CTNNA2: variants seen among roughly 807,000 people sequenced by gnomAD.
The protein encoded by CTNNA2 is catenin alpha 2, also known as catenin alpha-2.
Under a neutral mutation model 101.0 loss-of-function variants are expected in CTNNA2, and 42 were observed. The ratio of observed to expected loss-of-function variants is 0.42; its 90% confidence interval spans 0.32 to 0.54. The LOEUF (loss-of-function observed/expected upper bound fraction) is 0.54. Ranked by LOEUF, CTNNA2 falls within the 20% of genes least tolerant of loss-of-function variation. The probability of loss-of-function intolerance (pLI) is 0.14; values close to 1 mark genes in which losing one functional copy is unlikely to be tolerated. For synonymous variants in CTNNA2, 450 were observed against 456.4 expected (o/e 0.99, Z 0.18); for missense variants, 871 against 1,223.1 (o/e 0.71, Z 4.29).
At chr2:80,206,435 C>G (rs1450174152) in intron 7 of CTNNA2, among the ~76,000 whole-genome samples, 1 of 152,168 alleles carries the variant, frequency 6.6e-6, no homozygotes, top group Non-Finnish European at 1.5e-5. Context: ...AGGGAAGATC[C>G]TTGTATTTGT....
At chr2:79,823,134 G>A (rs1394846700) in intron 3 of CTNNA2, among the ~76,000 whole-genome samples, 3 of 152,134 alleles carry the variant, frequency 2.0e-5, no homozygotes, top group Non-Finnish European at 4.4e-5. Flanking sequence ...TGTCTCTGTT[G>A]CAACTTTTCA....
At chr2:80,256,640 C>A (rs1435752681) in intron 7 of CTNNA2, among the ~76,000 whole-genome samples, 1 of 152,116 alleles carries the variant, frequency 6.6e-6, no homozygotes, top group Non-Finnish European at 1.5e-5. Flanking sequence ...GGTCATCCAG[C>A]CTTCCACTTG....
At chr2:80,637,912 G>C (rs544333740) in intron 18 of CTNNA2, among the ~76,000 whole-genome samples, 1 of 152,266 alleles carries the variant, frequency 6.6e-6, no homozygotes, top group East Asian at 1.9e-4. Context: ...GAGCCATTTT[G>C]CAAGTTATTA....
At chr2:80,028,742 CAG>C (rs1695098352) in intron 7 of CTNNA2, among the ~76,000 whole-genome samples, 1 of 152,126 alleles carries the variant, frequency 6.6e-6, no homozygotes, top group Admixed American at 6.6e-5. Context: ...AGCAGAAAAA[CAG>C]AGTTAGAGAG....
At chr2:79,901,095 C>T (rs1001206974) in intron 6 of CTNNA2, among the ~76,000 whole-genome samples, 3 of 152,156 alleles carry the variant, frequency 2.0e-5, no homozygotes, top group Admixed American at 6.5e-5. Flanking sequence ...AATATACCTA[C>T]ATTTAAACAT....
chr2:80,315,354 C>T lies in CTNNA2; in HGVS notation c.1057-77857C>T, dbSNP rs117660972. On this transcript the variant is annotated intron_variant, in intron 7 of 18. Transcript: ENST00000402739. ...GGCAATATGTGTTGGCTGAGTATAA[C>T]TTCTGTGGGGACCAGGTTGACTGAA... is the stretch of plus-strand genomic sequence containing the variant. Among the ~76,000 whole-genome samples, 69 of 152,326 alleles carry T rather than the reference C, an allele frequency of 4.5e-4. No individual in the cohort carries two copies. In the East Asian group the frequency reaches 0.013, roughly 28 times the overall value.
At chr2:79,337,869 A>G (rs193039918) in intron 3 of CTNNA2, among the ~76,000 whole-genome samples, 1 of 152,190 alleles carries the variant, frequency 6.6e-6, no homozygotes, top group East Asian at 1.9e-4. Flanking sequence ...AAAGAAACAT[A>G]TTTTCTTCGT....
chr2:80,595,716 G>T (rs72920774), intron 15 of CTNNA2, among the ~76,000 whole-genome samples: 2,500 of 152,118 alleles, frequency 0.016, 78 homozygotes, highest in African/African-American at 0.057. Flanking sequence ...ATGTTCTGTT[G>T]GTGTATATGT....
chr2:79,290,511 G>A (rs11126707), intron 2 of CTNNA2, among the ~76,000 whole-genome samples: 77,975 of 151,848 alleles, frequency 0.51, 21,968 homozygotes, highest in East Asian at 0.7. Context: ...CCATGCCCCC[G>A]TCGTGTGCCT....
At chr2:79,792,170 G>C (rs528323544) in intron 3 of CTNNA2, among the ~76,000 whole-genome samples, 1 of 152,228 alleles carries the variant, frequency 6.6e-6, no homozygotes, top group African/African-American at 2.4e-5. Context: ...CTGAGGTCTT[G>C]TGTTAGATAC....
chr2:79,969,192 GAAC>G (rs377229805), intron 7 of CTNNA2, among the ~76,000 whole-genome samples: 3 of 152,018 alleles, frequency 2.0e-5, no homozygotes, highest in South Asian at 4.1e-4. Context: ...AAATTAACAA[GAAC>G]AACAACAACA....
chr2:79,416,257 CTTTTTTTTTTTTT>C (rs66830925), intron 4 of CTNNA2, among the ~76,000 whole-genome samples: 1 of 94,656 alleles, frequency 1.1e-5, no homozygotes, highest in Non-Finnish European at 2.1e-5. Flanking sequence ...CTTTCCTTTT[CTTTTTTTTTTTTT>C]TTTTTTTTTT....
intron 7 of CTNNA2, among the ~76,000 whole-genome samples, chr2:79,922,370 T>G (rs1017909638): frequency 2.6e-5 from 4 of 152,178 alleles, no homozygotes; most frequent in African/African-American, 9.6e-5. Flanking sequence ...GAGGGATCAG[T>G]CCTGTGATCT....
At chr2:79,756,879 C>T (rs1323752576) in intron 3 of CTNNA2, among the ~76,000 whole-genome samples, 4 of 152,138 alleles carry the variant, frequency 2.6e-5, no homozygotes, top group Admixed American at 1.3e-4. Flanking sequence ...ATTTTAATAT[C>T]CTTACTAGAA....
At position 79,808,240 on chromosome 2, in the gene CTNNA2, A is replaced by G. The variant is rs1676730348; in HGVS notation, c.299-49773A>G. ...TTCAGCAGAGTTCAAAATGCAAAAT[A>G]TTGGGGGTTGCATGTATGAAAGAGG... On this transcript the variant is annotated intron_variant, in intron 3 of 18. Coordinates refer to ENST00000402739, the MANE Select transcript of CTNNA2 (RefSeq NM_001282597.3). Among the ~76,000 whole-genome samples, 3 of 152,224 alleles carry G rather than the reference A, an allele frequency of 2.0e-5. No homozygotes were observed. In the South Asian group the frequency reaches 6.2e-4, roughly 32 times the overall value.
chr2:80,442,473 A>T (rs549881120), intron 9 of CTNNA2, among the ~76,000 whole-genome samples: 40 of 152,224 alleles, frequency 2.6e-4, no homozygotes, highest in African/African-American at 9.6e-4. Context: ...TTCAACACAC[A>T]TGCAGTGACC....
intron 13 of CTNNA2, 39 bp downstream of exon 13, chr2:80,574,353 C>T: frequency 6.6e-7 from 1 of 1,513,876 alleles, no homozygotes; most frequent in South Asian, 1.3e-5. Context: ...GGTCAGATCT[C>T]CTAGTAGGAA....
At chr2:79,906,209 C>A (rs1685412270) in intron 6 of CTNNA2, among the ~76,000 whole-genome samples, 1 of 151,994 alleles carries the variant, frequency 6.6e-6, no homozygotes, top group Non-Finnish European at 1.5e-5. Flanking sequence ...CATAAACACA[C>A]ACACAAATAG....
intron 11 of CTNNA2, among the ~76,000 whole-genome samples, chr2:80,554,766 C>A (rs955911673): frequency 2.6e-5 from 4 of 152,100 alleles, no homozygotes; most frequent in Non-Finnish European, 5.9e-5. Context: ...GGTGTGTGTG[C>A]ATGTATGTGT....
Sources: gnomAD v4.1 joint callset for allele counts (sites outside exome capture counted in the v4.1 genomes callset) on GRCh38, gnomAD v4.1.1 for gene constraint, MANE v1.5 for transcripts, NCBI Gene and HGNC (gene_info 2026-07-23, HGNC 2026-07-21) for gene names.